CELA3B: variants seen among roughly 807,000 people sequenced by gnomAD.
CELA3B encodes chymotrypsin-like elastase family member 3B.
A neutral mutation model predicts 37.2 loss-of-function variants in CELA3B; 34 were observed. That is an observed-to-expected ratio of 0.91 (90% confidence interval 0.70 to 1.22). The LOEUF is 1.22. Ranked by LOEUF, CELA3B falls within the 50% of genes most tolerant of loss-of-function variation. The probability of loss-of-function intolerance (pLI) is 0.00; values close to 1 mark genes in which losing one functional copy is unlikely to be tolerated. For missense variants in CELA3B, 340 were observed against 363.1 expected, an observed-to-expected ratio of 0.94 and a Z score of 0.52; for synonymous variants, 127 against 143.5, an observed-to-expected ratio of 0.89 and a Z score of 0.82.
downstream of CELA3B, among the ~76,000 whole-genome samples, chr1:21,989,620 A>T (rs930648935): frequency 1.3e-5 from 2 of 149,752 alleles, no homozygotes; most frequent in East Asian, 3.9e-4. Flanking sequence ...CTTAGTATAT[A>T]GTCGCACATA....
exon 5 of CELA3B, chr1:21,998,278 C>T: frequency 2.2e-6 from 1 of 458,484 alleles, no homozygotes; most frequent in Middle Eastern, 3.3e-4. Flanking sequence ...TTTGTTTGAG[C>T]TCATATTTTC....
chr1:21,994,836 C>T (rs983437408), intron 4 of CELA3B, among the ~76,000 whole-genome samples: 4 of 150,012 alleles, frequency 2.7e-5, no homozygotes, highest in Non-Finnish European at 4.4e-5. Flanking sequence ...CTTCTCTCTA[C>T]AAAAAATATT....
At chr1:21,977,592 TC>T (rs1166221449) in intron 1 of CELA3B, among the ~76,000 whole-genome samples, 2 of 152,242 alleles carry the variant, frequency 1.3e-5, no homozygotes, top group Non-Finnish European at 2.9e-5. Context: ...TTTAGGGTTT[TC>T]CTTATACTTT....
intron 4 of CELA3B, among the ~76,000 whole-genome samples, chr1:21,983,260 C>A (rs567999490): frequency 6.6e-6 from 1 of 152,090 alleles, no homozygotes; most frequent in South Asian, 2.1e-4. Flanking sequence ...GAGGCTGAGG[C>A]AGGAGAATCA....
chr1:21,979,088 T>C (rs2152815411), intron 2 of CELA3B, among the ~76,000 whole-genome samples: 1 of 151,990 alleles, frequency 6.6e-6, no homozygotes, highest in African/African-American at 2.4e-5. Context: ...ATTATTATTA[T>C]TGAGACAGAG....
chr1:21,986,793 A>T (rs1644841332), intron 7 of CELA3B, 110 bp downstream of exon 7: 2 of 1,248,728 alleles, frequency 1.6e-6, no homozygotes, highest in Non-Finnish European at 2.2e-6. Context: ...CTAGAAGCTC[A>T]GTGGGGAAGG....
chr1:21,977,430 A>G (rs1218910264), intron 1 of CELA3B, among the ~76,000 whole-genome samples: 3 of 152,016 alleles, frequency 2.0e-5, no homozygotes, highest in Non-Finnish European at 2.9e-5. Flanking sequence ...CACTCCCCCT[A>G]CCTGGCTCCA....
chr1:21,998,397 C>G (rs1410643116), exon 5 of CELA3B: 1 of 340,708 alleles, frequency 2.9e-6, no homozygotes, highest in Non-Finnish European at 6.1e-6. Flanking sequence ...CCCATGGGGG[C>G]TCCGTTCTAG....
At chr1:21,979,146 C>A (rs1644789008) in intron 2 of CELA3B, among the ~76,000 whole-genome samples, 1 of 151,680 alleles carries the variant, frequency 6.6e-6, no homozygotes, top group African/African-American at 2.4e-5. Context: ...AATCTTGGCT[C>A]ACTGCAACCT....
At chr1:21,988,346 A>G (rs1247409241) in intron 7 of CELA3B, among the ~76,000 whole-genome samples, 2 of 150,168 alleles carry the variant, frequency 1.3e-5, no homozygotes, top group South Asian at 4.3e-4. Flanking sequence ...AATCCCAGCA[A>G]TTTGGTAGGC....
chr1:21,996,902 G>T (rs1644893021), intron 4 of CELA3B, among the ~76,000 whole-genome samples: 1 of 151,288 alleles, frequency 6.6e-6, no homozygotes, highest in African/African-American at 2.4e-5. Flanking sequence ...CCCTGACACT[G>T]CTGACCCATC....
chr1:21,994,826 C>T (rs1381363152), intron 4 of CELA3B, among the ~76,000 whole-genome samples: 1 of 150,054 alleles, frequency 6.7e-6, no homozygotes, highest in African/African-American at 2.5e-5. Flanking sequence ...ATGGCGAAAC[C>T]TTCTCTCTAC....
intron 2 of CELA3B, among the ~76,000 whole-genome samples, 157 bp downstream of exon 2, chr1:21,978,611 G>A (rs926140874): frequency 1.3e-5 from 2 of 152,172 alleles, no homozygotes; most frequent in Non-Finnish European, 1.5e-5. Flanking sequence ...TCACGGGGAG[G>A]TTTTGCCCAT....
Position 21,986,595 on chromosome 1 carries a change from C to T in CELA3B, c.707C>T (p.Thr236Ile), listed in dbSNP as rs368231510. ...GGTGGCTGGCAGGTCCATGGCGTGA[C>T]CAGCTTTGTTTCTGCCTTTGGCTGC... Reference protein sequence around the residue: ...EDGGWQVHGVTSFVSAFGCNT... With the variant: ...EDGGWQVHGVISFVSAFGCNT... The change falls in exon 7 of 8, where the codon ACC becomes ATC. Residue 236 changes from threonine to isoleucine, a missense_variant. Transcript: ENST00000337107. 21 of 1,613,966 alleles carry T rather than the reference C, an allele frequency of 1.3e-5. No homozygotes were observed. Among genetic ancestry groups the T allele is most frequent in the African/African-American group, 9.3e-5 (7 of 74,894 alleles).
intron 2 of CELA3B, among the ~76,000 whole-genome samples, chr1:21,979,201 T>G (rs1644789347): frequency 1.3e-5 from 2 of 151,348 alleles, no homozygotes; most frequent in African/African-American, 4.8e-5. Context: ...GCCTCCCAAG[T>G]AGCTGGGATT....
intron 6 of CELA3B, 84 bp from the exon 7 acceptor site, chr1:21,986,447 G>A: frequency 6.4e-7 from 1 of 1,551,342 alleles, no homozygotes; most frequent in Non-Finnish European, 8.7e-7. Flanking sequence ...TAATGTCGGA[G>A]TTTCTCGAAA....
chr1:21,993,041 C>T (rs1644875390), downstream of CELA3B, among the ~76,000 whole-genome samples: 3 of 151,118 alleles, frequency 2.0e-5, no homozygotes, highest in Non-Finnish European at 2.9e-5. Flanking sequence ...TCCAGGTGTC[C>T]TGATACCACA....
At chr1:21,979,453 CT>C (rs66459906) in intron 2 of CELA3B, among the ~76,000 whole-genome samples, 42,191 of 85,032 alleles carry the variant, frequency 0.5, 8,428 homozygotes, top group Middle Eastern at 0.7. Context: ...CTTTTCTTTT[CT>C]TTTTTTTTTT....
chr1:21,978,685 C>T (rs1249389543), intron 2 of CELA3B, among the ~76,000 whole-genome samples: 1 of 152,150 alleles, frequency 6.6e-6, no homozygotes, highest in African/African-American at 2.4e-5. Flanking sequence ...GAAGGAAATG[C>T]TAAACTCAAG....
Sources: gnomAD v4.1 joint callset for allele counts (sites outside exome capture counted in the v4.1 genomes callset) on GRCh38, gnomAD v4.1.1 for gene constraint, MANE v1.5 for transcripts, NCBI Gene and HGNC (gene_info 2026-07-23, HGNC 2026-07-21) for gene names.